Variants in SPMAP2L observed in about 807,000 individuals in gnomAD.
The protein encoded by SPMAP2L is sperm microtubule associated protein 2 like.
chr4:56,554,440 G>C, the SPMAP2L span, among the ~76,000 whole-genome samples: 1 of 152,134 alleles, frequency 6.6e-6, no homozygotes, highest in African/African-American at 2.4e-5. Flanking sequence ...CTGATGTTGA[G>C]CATATTTGCT....
the SPMAP2L span, among the ~76,000 whole-genome samples, chr4:56,572,952 G>A: frequency 1.3e-5 from 2 of 151,532 alleles, no homozygotes; most frequent in Admixed American, 1.3e-4. Flanking sequence ...GGAGGCAGAG[G>A]TTGCAGTGAG....
At chr4:56,537,729 C>G in the SPMAP2L span, among the ~76,000 whole-genome samples, 2 of 151,342 alleles carry the variant, frequency 1.3e-5, no homozygotes, top group Non-Finnish European at 2.9e-5. Context: ...CTCGCTCTGT[C>G]GCCCAGGCTG....
chr4:56,530,759 C>T, the SPMAP2L span: 1 of 1,535,376 alleles, frequency 6.5e-7, no homozygotes, highest in Non-Finnish European at 8.7e-7. Flanking sequence ...TCCACTTGCT[C>T]CGAAGTCTTC....
chr4:56,613,721 C>T, the SPMAP2L span, among the ~76,000 whole-genome samples: 1 of 152,148 alleles, frequency 6.6e-6, no homozygotes, highest in Non-Finnish European at 1.5e-5. Flanking sequence ...ATTATTACCA[C>T]ATAGTTGACT....
chr4:56,579,120 A>G, the SPMAP2L span, among the ~76,000 whole-genome samples: 3 of 152,078 alleles, frequency 2.0e-5, no homozygotes, highest in Non-Finnish European at 4.4e-5. Flanking sequence ...TATCTAACAC[A>G]TGTCTATGAA....
the SPMAP2L span, among the ~76,000 whole-genome samples, chr4:56,609,884 A>G: frequency 6.6e-6 from 1 of 152,214 alleles, no homozygotes; most frequent in African/African-American, 2.4e-5. Context: ...ATGAATTTCT[A>G]TCATTTGTGA....
the SPMAP2L span, among the ~76,000 whole-genome samples, chr4:56,577,037 G>GT: frequency 1.8e-4 from 27 of 150,936 alleles, no homozygotes; most frequent in Admixed American, 7.9e-4. Context: ...CTCAGGAGCT[G>GT]TTTAAGTATA....
the SPMAP2L span, chr4:56,593,364 C>A: frequency 1.6e-6 from 2 of 1,232,198 alleles, no homozygotes; most frequent in Non-Finnish European, 2.4e-6. Flanking sequence ...AGACTCGAGC[C>A]AAATATACTG....
the SPMAP2L span, among the ~76,000 whole-genome samples, chr4:56,552,214 C>T: frequency 6.6e-6 from 1 of 152,224 alleles, no homozygotes. Context: ...AATCCAGTGC[C>T]ACCAAGCCAT....
chr4:56,575,767 G>A, the SPMAP2L span: 4 of 892,256 alleles, frequency 4.5e-6, no homozygotes, highest in South Asian at 4.6e-5. Context: ...CAAAGCATCA[G>A]GTAAAAAATC....
At chr4:56,553,744 T>C in the SPMAP2L span, among the ~76,000 whole-genome samples, 1 of 152,266 alleles carries the variant, frequency 6.6e-6, no homozygotes, top group South Asian at 2.1e-4. Flanking sequence ...GCTTTATGGG[T>C]TTGACAAATG....
chr4:56,574,047 G>A, the SPMAP2L span, among the ~76,000 whole-genome samples: 8 of 151,844 alleles, frequency 5.3e-5, no homozygotes, highest in African/African-American at 1.9e-4. Flanking sequence ...CATTGGGTCT[G>A]GGGGGGTAGT....
chr4:56,539,662 T>C, the SPMAP2L span, among the ~76,000 whole-genome samples: 2 of 152,190 alleles, frequency 1.3e-5, no homozygotes, highest in Non-Finnish European at 2.9e-5. Flanking sequence ...CCTCAAGTGA[T>C]CTGCCTGCCT....
At chr4:56,536,262 T>C in the SPMAP2L span, among the ~76,000 whole-genome samples, 2 of 152,252 alleles carry the variant, frequency 1.3e-5, no homozygotes, top group African/African-American at 4.8e-5. Context: ...TGACCTGATA[T>C]GTCCATGACA....
chr4:56,576,208 A>G, the SPMAP2L span, among the ~76,000 whole-genome samples: 11 of 152,220 alleles, frequency 7.2e-5, no homozygotes, highest in African/African-American at 2.7e-4. Context: ...TTATACCTTA[A>G]GAAATGATAA....
chr4:56,581,991 G>A, the SPMAP2L span, among the ~76,000 whole-genome samples: 4 of 152,082 alleles, frequency 2.6e-5, no homozygotes, highest in African/African-American at 9.7e-5. Flanking sequence ...GATGTTTGAC[G>A]CCCACATCAT....
At chr4:56,583,321 A>G in the SPMAP2L span, among the ~76,000 whole-genome samples, 2 of 152,082 alleles carry the variant, frequency 1.3e-5, no homozygotes, top group Non-Finnish European at 2.9e-5. Flanking sequence ...GAATAGGCCA[A>G]TCCATAGATC....
chr4:56,575,248 CA>C, the SPMAP2L span, among the ~76,000 whole-genome samples: 17 of 139,980 alleles, frequency 1.2e-4, no homozygotes, highest in Admixed American at 2.1e-4. Flanking sequence ...GACTCCATCT[CA>C]AAAAAAAAAA....
At chr4:56,556,147 C>G in the SPMAP2L span, among the ~76,000 whole-genome samples, 1 of 152,184 alleles carries the variant, frequency 6.6e-6, no homozygotes, top group African/African-American at 2.4e-5. Context: ...ATCACCCTGT[C>G]TATTTTAGAA....
Sources: allele counts gnomAD v4.1 joint callset (sites outside exome capture counted in the v4.1 genomes callset), GRCh38; gene constraint gnomAD v4.1.1; transcripts MANE v1.5; gene names NCBI Gene and HGNC (gene_info 2026-07-23, HGNC 2026-07-21).